The following CENPI variants were observed in gnomAD, a reference collection of about 807,000 sequenced individuals.
CENPI encodes centromere protein I, also known as FSH primary response 1.
Under a neutral mutation model 60.4 loss-of-function variants are expected in CENPI, and 4 were observed. That is an observed-to-expected ratio of 0.07 (90% confidence interval 0.03 to 0.15). The LOEUF (loss-of-function observed/expected upper bound fraction) is 0.15, where lower values mean the gene tolerates loss of function less well. Among genes scored for constraint, CENPI ranks in the 10% least tolerant of loss-of-function variants. The pLI is 1.00. For missense variants in CENPI, 444 were observed against 534.5 expected (o/e 0.83, Z 1.67); for synonymous variants, 157 against 189.4 (o/e 0.83, Z 1.40).
Position 101,164,727 on chromosome X carries a change from C to T in CENPI, c.*1760C>T, listed in dbSNP as rs202098935. Among the ~76,000 whole-genome samples the T allele has an allele frequency of 8.9e-6, 1 of 112,473 alleles. No homozygotes were observed. The highest frequency in any genetic ancestry group is 3.2e-5 in the African/African-American group (1 of 30,984). On this transcript the variant is annotated 3_prime_UTR_variant, in exon 22 of 22. Coordinates refer to ENST00000682095, the MANE Select transcript of CENPI (RefSeq NM_001386188.2). ...AAAGAAAGGGCAGGGAATAGGGATA[C>T]AATGTGTTGAATTTTGTCAAATGCT...
chrX:101,127,211 C>T lies in CENPI; in HGVS notation c.851C>T (p.Ser284Phe). ...LAVKQRNRGP[S>F]PEPLKLMLGP... is the part of the protein sequence containing the mutation. ...GTGAAGCAAAGAAACCGGGGACCTT[C>T]TCCAGAACCTCTGAAGTTGATGTTA... Residue 284 changes from serine (S) to phenylalanine (F), a missense_variant, in exon 10 of 22, where the codon TCT (serine) becomes TTT (phenylalanine). Transcript: ENST00000682095. The T allele has an allele frequency of 8.4e-7, 1 of 1,197,593 alleles. No individual in the cohort carries two copies. The highest frequency in any genetic ancestry group is 1.1e-6 in the Non-Finnish European group (1 of 889,339).
chrX:101,168,524 C>T (rs1230443324), downstream of CENPI, among the ~76,000 whole-genome samples: 1 of 111,725 alleles, frequency 9.0e-6, no homozygotes, highest in Non-Finnish European at 1.9e-5. Context: ...CGAGATCGCC[C>T]ACTGCACTCC....
intron 16 of CENPI, 162 bp downstream of exon 16, chrX:101,140,922 A>G (rs1180518038): frequency 7.4e-6 from 3 of 406,863 alleles, no homozygotes; most frequent in Admixed American, 4.4e-5. Flanking sequence ...ACAATCCTGA[A>G]AGGAAGGCTA....
chrX:101,100,917 T>C, intron 2 of CENPI, 141 bp from the exon 3 acceptor site: 1 of 422,819 alleles, frequency 2.4e-6, no homozygotes, highest in Non-Finnish European at 4.1e-6. Context: ...CTTTGTTTCC[T>C]GGATTGTTGT....
chrX:101,144,054 G>A (rs189180995), intron 16 of CENPI, among the ~76,000 whole-genome samples: 1,196 of 97,587 alleles, frequency 0.012, 7 homozygotes, highest in Middle Eastern at 0.091. Flanking sequence ...CATTTTGTCC[G>A]TTTTCACATT....
chrX:101,139,684 A>G (rs2089892472), intron 15 of CENPI, among the ~76,000 whole-genome samples: 1 of 111,855 alleles, frequency 8.9e-6, no homozygotes, highest in African/African-American at 3.2e-5. Context: ...AATGATTAGT[A>G]GACCATTATG....
chrX:101,154,484 G>A (rs1246693682), intron 20 of CENPI, among the ~76,000 whole-genome samples: 1 of 111,313 alleles, frequency 9.0e-6, no homozygotes, highest in Non-Finnish European at 1.9e-5. Flanking sequence ...GAGAGGCTGA[G>A]GCAGGAGAAT....
intron 6 of CENPI, 111 bp downstream of exon 6, chrX:101,110,109 A>G (rs996050378): frequency 1.0e-5 from 4 of 400,922 alleles, no homozygotes; most frequent in Non-Finnish European, 1.2e-5. Flanking sequence ...TTATTTTAAA[A>G]ATATATCAAA....
intron 15 of CENPI, among the ~76,000 whole-genome samples, chrX:101,139,318 C>A (rs1263333168): frequency 9.2e-6 from 1 of 108,591 alleles, no homozygotes; most frequent in Non-Finnish European, 1.9e-5. Flanking sequence ...TGATCTCGAA[C>A]TCCTGACCTC....
At chrX:101,108,536 G>A (rs2089512298) in intron 4 of CENPI, among the ~76,000 whole-genome samples, 1 of 111,018 alleles carries the variant, frequency 9.0e-6, no homozygotes, top group African/African-American at 3.3e-5. Context: ...ACAGAGTTGT[G>A]TAATCATCAC....
downstream of CENPI, among the ~76,000 whole-genome samples, chrX:101,170,162 C>T (rs1025699132): frequency 9.0e-6 from 1 of 111,716 alleles, no homozygotes; most frequent in Non-Finnish European, 1.9e-5. Context: ...ATGTTAAGTG[C>T]TCTATAGAGG....
Position 101,145,190 on chromosome X carries a change from C to T in CENPI, c.1692C>T (p.Phe564=). 2.5e-6 allele frequency: 3 copies of T among 1,205,624 alleles called. No individual in the cohort carries two copies. The highest frequency in any genetic ancestry group is 3.4e-6 in the Non-Finnish European group (3 of 891,237). The change falls in exon 17 of 22, where the codon TTC becomes TTT. Residue 564 remains phenylalanine (F), a synonymous_variant. Coordinates refer to ENST00000682095, the MANE Select transcript of CENPI (RefSeq NM_001386188.2). ...NTFLLHFILD[F]YEKVCDIYIN... ...TCTTGCTGCACTTTATTTTGGATTT[C>T]TATGAGAAGGTAGTACACATTACAT...
chrX:101,161,715 G>C (rs1312753910), intron 21 of CENPI, 146 bp downstream of exon 21: 1 of 505,627 alleles, frequency 2.0e-6, no homozygotes, highest in East Asian at 3.4e-5. Context: ...ATTCATTCCA[G>C]TGACTTTAAT....
chrX:101,120,705 A>G (rs1243488057), intron 7 of CENPI, 33 bp from the exon 8 acceptor site: 20 of 1,171,776 alleles, frequency 1.7e-5, no homozygotes, highest in Non-Finnish European at 2.2e-5. Context: ...CTGAATCCAA[A>G]TGCATAGTAC....
chrX:101,170,047 T>C (rs2090153229), downstream of CENPI, among the ~76,000 whole-genome samples: 1 of 111,874 alleles, frequency 8.9e-6, no homozygotes. Flanking sequence ...TTAGCCTAAG[T>C]GTACAGTGTT....
intron 18 of CENPI, 29 bp from the exon 19 acceptor site, chrX:101,147,734 T>C (rs1473292115): frequency 9.0e-7 from 1 of 1,116,909 alleles, no homozygotes; most frequent in South Asian, 1.9e-5. Context: ...GCATGTTAAA[T>C]GTTTCATTCT....
In CENPI at chrX:101,101,198, C is replaced by T. The variant is rs2089411542; in HGVS notation, c.128C>T (p.Ser43Leu). Residue 43 changes from serine to leucine, a missense_variant, in exon 3 of 22, where the codon TCA (serine) becomes TTA (leucine). Transcript: ENST00000682095. ...KQDPSNSKNI[S>L]KHGQNNPVGD... ...GATCCAAGCAACTCGAAGAACATCT[C>T]AAAACATGGACAAAACAATCCAGTG... is the stretch of plus-strand genomic sequence containing the variant. 8.3e-7 allele frequency: 1 copy of T among 1,208,364 alleles called. No individual in the cohort carries two copies. Among genetic ancestry groups the T allele is most frequent in the Admixed American group, 2.2e-5 (1 of 45,636 alleles).
Position 101,146,183 on chromosome X carries a change from C to T in CENPI, c.1732C>T (p.Pro578Ser). ...TGACATATATATAAATTATAACCTT[C>T]CATTAGTGGTATTGTTTCCTCCTGG... ...VCDIYINYNL[P>S]LVVLFPPGIF... Residue 578 changes from proline (P) to serine (S), a missense_variant, in exon 18 of 22, where the codon CCA becomes TCA. Physicochemically the swap from Pro to Ser is moderately conservative, Grantham distance 74. Transcript: ENST00000682095. 2.5e-6 allele frequency: 3 copies of T among 1,197,838 alleles called. No individual in the cohort carries two copies. The highest frequency in any genetic ancestry group is 3.4e-6 in the Non-Finnish European group (3 of 883,322).
intron 15 of CENPI, among the ~76,000 whole-genome samples, chrX:101,136,179 G>A (rs200557813): frequency 7.1e-5 from 8 of 112,347 alleles, no homozygotes; most frequent in East Asian, 5.6e-4. Flanking sequence ...TTGTTAAGGC[G>A]GGATAGATAT....
Sources: allele counts gnomAD v4.1 joint callset (sites outside exome capture counted in the v4.1 genomes callset), GRCh38; gene constraint gnomAD v4.1.1; transcripts MANE v1.5; gene names NCBI Gene and HGNC (gene_info 2026-07-23, HGNC 2026-07-21).